LYPLAL1: variants seen among roughly 807,000 people sequenced by gnomAD.
The protein encoded by LYPLAL1 is lysophospholipase-like protein 1.
In LYPLAL1, 23 loss-of-function variants were observed where a neutral mutation model predicts 19.7. The ratio of observed to expected loss-of-function variants is 1.17; its 90% CI spans 0.84 to 1.65. The LOEUF (loss-of-function observed/expected upper bound fraction) is 1.65, where lower values mean the gene tolerates loss of function less well. LYPLAL1 is among the 40% of genes most tolerant of loss of function. The pLI, the probability that LYPLAL1 is intolerant of heterozygous loss-of-function variation, is 0.00. For missense variants in LYPLAL1, 355 were observed against 279.4 expected, an observed-to-expected ratio of 1.27 and a Z score of -1.93; for synonymous variants, 119 against 96.3, an observed-to-expected ratio of 1.24 and a Z score of -1.38.
At chr1:219,359,013 A>G in the LYPLAL1 span, among the ~76,000 whole-genome samples, 2 of 152,310 alleles carry the variant, frequency 1.3e-5, no homozygotes, top group South Asian at 4.1e-4. Flanking sequence ...TAAGTTTACT[A>G]GAAAACAAAA....
At chr1:219,326,163 C>T in the LYPLAL1 span, among the ~76,000 whole-genome samples, 1 of 152,108 alleles carries the variant, frequency 6.6e-6, no homozygotes, top group Non-Finnish European at 1.5e-5. Context: ...ACCCGCCTGC[C>T]TCGGCCTCTC....
the LYPLAL1 span, among the ~76,000 whole-genome samples, chr1:219,225,093 T>G: frequency 6.6e-6 from 1 of 152,114 alleles, no homozygotes; most frequent in African/African-American, 2.4e-5. Flanking sequence ...CTGGCTGAGC[T>G]GCTATTTCTA....
chr1:219,226,586 A>C, the LYPLAL1 span, among the ~76,000 whole-genome samples: 1 of 141,492 alleles, frequency 7.1e-6, no homozygotes, highest in Non-Finnish European at 1.6e-5. Flanking sequence ...TTGGAATAAC[A>C]CATAGAAAAA....
downstream of LYPLAL1, among the ~76,000 whole-genome samples, chr1:219,216,728 C>G (rs1442911229): frequency 6.6e-6 from 1 of 152,056 alleles, no homozygotes; most frequent in Non-Finnish European, 1.5e-5. Context: ...GTACTCTACT[C>G]TGTGAACTCT....
the LYPLAL1 span, among the ~76,000 whole-genome samples, chr1:219,444,840 T>TA: frequency 6.6e-6 from 1 of 152,196 alleles, no homozygotes; most frequent in Non-Finnish European, 1.5e-5. Flanking sequence ...AGTCAACAAA[T>TA]ACGGTAGAAA....
the LYPLAL1 span, among the ~76,000 whole-genome samples, chr1:219,226,178 C>T: frequency 2.0e-5 from 3 of 152,100 alleles, no homozygotes; most frequent in Non-Finnish European, 2.9e-5. Flanking sequence ...TCTTTTTTCT[C>T]TTAGTGCCTA....
chr1:219,317,688 G>C, the LYPLAL1 span, among the ~76,000 whole-genome samples: 1 of 152,042 alleles, frequency 6.6e-6, no homozygotes, highest in Non-Finnish European at 1.5e-5. Context: ...TCTTAGAAAG[G>C]AAAAAACAGA....
At chr1:219,332,502 G>A in the LYPLAL1 span, among the ~76,000 whole-genome samples, 1 of 152,026 alleles carries the variant, frequency 6.6e-6, no homozygotes, top group Admixed American at 6.6e-5. Flanking sequence ...ACTGTTTTAA[G>A]CCACTAAGTT....
the LYPLAL1 span, among the ~76,000 whole-genome samples, chr1:219,360,468 A>G: frequency 1.3e-5 from 2 of 152,146 alleles, no homozygotes; most frequent in East Asian, 1.9e-4. Flanking sequence ...TGCCTCCCAT[A>G]TGAAAGCGTA....
At chr1:219,177,876 C>T (rs149424887) in intron 1 of LYPLAL1, among the ~76,000 whole-genome samples, 196 of 152,264 alleles carry the variant, frequency 1.3e-3, no homozygotes, top group African/African-American at 4.3e-3. Flanking sequence ...AGATTTGTCA[C>T]GTTCCTACAG....
the LYPLAL1 span, among the ~76,000 whole-genome samples, chr1:219,405,447 C>T: frequency 1.3e-5 from 2 of 152,060 alleles, no homozygotes; most frequent in Non-Finnish European, 2.9e-5. Flanking sequence ...AGATGTTTCC[C>T]TTGAAAGAAA....
At chr1:219,223,321 G>C in the LYPLAL1 span, 1 of 152,100 alleles carries the variant, frequency 6.6e-6, no homozygotes, top group Non-Finnish European at 1.5e-5. Context: ...TTATTGCCCA[G>C]TAAACCATAC....
chr1:219,309,824 T>C, the LYPLAL1 span, among the ~76,000 whole-genome samples: 1 of 152,284 alleles, frequency 6.6e-6, no homozygotes, highest in East Asian at 1.9e-4. Flanking sequence ...ACAATATTCA[T>C]CTCAAGACAC....
chr1:219,354,931 G>A, the LYPLAL1 span, among the ~76,000 whole-genome samples: 1 of 152,064 alleles, frequency 6.6e-6, no homozygotes, highest in Non-Finnish European at 1.5e-5. Flanking sequence ...GTATTATGGG[G>A]ACTTAAACAT....
chr1:219,334,204 A>T, the LYPLAL1 span, among the ~76,000 whole-genome samples: 1 of 151,954 alleles, frequency 6.6e-6, no homozygotes, highest in Non-Finnish European at 1.5e-5. Context: ...TTTCTTAATT[A>T]TATCAACCTT....
At chr1:219,393,883 G>T in the LYPLAL1 span, among the ~76,000 whole-genome samples, 1 of 151,444 alleles carries the variant, frequency 6.6e-6, no homozygotes, top group Non-Finnish European at 1.5e-5. Flanking sequence ...AAAGATATTT[G>T]GGTTTGCTAG....
In LYPLAL1 at chr1:219,199,609, ATT is replaced by A. The variant is rs11339533; in HGVS notation, c.361+6368_361+6369del. Among the ~76,000 whole-genome samples, 4 of 143,688 alleles carry A rather than the reference ATT, an allele frequency of 2.8e-5. No homozygotes were observed. The East Asian group carries it at 6.3e-4, about 23-fold the overall frequency. The allele number at this position is 143,688 out of a possible 152,430, so 94.3% of individuals were successfully genotyped here. ...AGGCACACGCCACCACGCCCGGCTA[ATT>A]TTTTTTTTTCTTTTTTTTTTTGAGA... On this transcript the variant is annotated intron_variant, in intron 3 of 4. Coordinates refer to ENST00000366928, the MANE Select transcript of LYPLAL1 (RefSeq NM_138794.5).
chr1:219,340,055 T>C, the LYPLAL1 span, among the ~76,000 whole-genome samples: 2 of 152,032 alleles, frequency 1.3e-5, no homozygotes, highest in Non-Finnish European at 2.9e-5. Context: ...CCTAACCCAT[T>C]TATTACAAAC....
At chr1:219,203,260 G>T (rs186415595) in intron 3 of LYPLAL1, among the ~76,000 whole-genome samples, 1 of 150,406 alleles carries the variant, frequency 6.6e-6, no homozygotes, top group East Asian at 2.0e-4. Flanking sequence ...TTGATTAGTG[G>T]TACTTTGTTA....
Sources: gnomAD v4.1 joint callset for allele counts (sites outside exome capture counted in the v4.1 genomes callset) on GRCh38, gnomAD v4.1.1 for gene constraint, MANE v1.5 for transcripts, NCBI Gene and HGNC (gene_info 2026-07-23, HGNC 2026-07-21) for gene names.